The following FAM114A1 variants were observed in gnomAD, a reference collection of about 807,000 sequenced individuals.
FAM114A1 encodes protein NOXP20.
A neutral mutation model predicts 64.3 loss-of-function variants in FAM114A1; 62 were observed. The observed-to-expected ratio is 0.96, with a 90% CI of 0.79 to 1.19. FAM114A1 has a LOEUF of 1.19. Among genes scored for constraint, FAM114A1 ranks in the 50% most tolerant of loss-of-function variants. FAM114A1 has a pLI of 0.00. For synonymous variants in FAM114A1, 254 were observed against 251.1 expected (o/e 1.01, Z -0.11); for missense variants, 645 against 676.3 (o/e 0.95, Z 0.51).
chr4:38,935,152 G>A (rs755707488), intron 12 of FAM114A1, among the ~76,000 whole-genome samples: 4 of 152,086 alleles, frequency 2.6e-5, no homozygotes, highest in East Asian at 3.9e-4. Context: ...CCTGACCTCC[G>A]GTGATCCACC....
chr4:38,893,825 T>A (rs1579322511), intron 4 of FAM114A1, among the ~76,000 whole-genome samples: 1 of 152,192 alleles, frequency 6.6e-6, no homozygotes, highest in East Asian at 1.9e-4. Context: ...TTTTGTCACC[T>A]GGTTCACATG....
chr4:38,891,454 C>T (rs1004250462), intron 3 of FAM114A1, among the ~76,000 whole-genome samples: 6 of 152,178 alleles, frequency 3.9e-5, no homozygotes, highest in African/African-American at 1.4e-4. Context: ...AGCCTTTTCC[C>T]TGTCTTCTAA....
At chr4:38,938,607 C>T (rs1721302455) in intron 13 of FAM114A1, 1 of 152,216 alleles carries the variant, frequency 6.6e-6, no homozygotes, top group African/African-American at 2.4e-5. Context: ...TTGATATAAA[C>T]ACTAGGCTTG....
chr4:38,908,641 A>G lies in FAM114A1; in HGVS notation c.707A>G (p.Lys236Arg). 1.2e-6 allele frequency: 2 copies of G among 1,613,570 alleles called. No homozygotes were observed. Among genetic ancestry groups the G allele is most frequent in the Non-Finnish European group, 1.7e-6 (2 of 1,179,590 alleles). Residue 236 changes from lysine to arginine, a missense_variant, in exon 7 of 15, where the codon AAG becomes AGG. Coordinates refer to ENST00000358869, the MANE Select transcript of FAM114A1 (RefSeq NM_138389.4). ...GGLDALEFIG[K>R]KTMNVLAESD... ...CTTGATGCGTTGGAATTCATCGGCA[A>G]GAAAACCATGAATGTCCTTGCAGAA...
intron 8 of FAM114A1, among the ~76,000 whole-genome samples, chr4:38,915,591 A>G (rs1240639684): frequency 2.6e-5 from 4 of 152,162 alleles, no homozygotes; most frequent in South Asian, 2.1e-4. Flanking sequence ...TTAAGGTTCT[A>G]TTAGGGAATG....
At chr4:38,922,063 T>C (rs1165215122) in intron 8 of FAM114A1, among the ~76,000 whole-genome samples, 1 of 152,204 alleles carries the variant, frequency 6.6e-6, no homozygotes, top group Non-Finnish European at 1.5e-5. Context: ...TGCCTCAGCC[T>C]CCTGAGTAGC....
chr4:38,938,357 C>G (rs1721283085), intron 13 of FAM114A1: 2 of 152,254 alleles, frequency 1.3e-5, no homozygotes, highest in Non-Finnish European at 2.9e-5. Context: ...CTGTCAGTGA[C>G]TCTGTGAATA....
chr4:38,921,046 T>C (rs566618474), intron 8 of FAM114A1, among the ~76,000 whole-genome samples: 107 of 152,382 alleles, frequency 7.0e-4, no homozygotes, highest in Non-Finnish European at 1.2e-3. Context: ...GTTATCCCGA[T>C]GTGCTCATCT....
intron 12 of FAM114A1, 27 bp from the exon 13 acceptor site, chr4:38,935,691 C>T: frequency 6.7e-7 from 1 of 1,493,086 alleles, no homozygotes; most frequent in Non-Finnish European, 9.1e-7. Flanking sequence ...TGAAAACATC[C>T]AAGCTTTTTT....
chr4:38,885,226 C>T (rs1048085917), intron 3 of FAM114A1, among the ~76,000 whole-genome samples: 8 of 152,036 alleles, frequency 5.3e-5, no homozygotes, highest in Non-Finnish European at 1.0e-4. Context: ...CCACCCATCA[C>T]GACCTCCCAA....
At chr4:38,877,744 C>A (rs1165496128) in intron 2 of FAM114A1, among the ~76,000 whole-genome samples, 1 of 152,206 alleles carries the variant, frequency 6.6e-6, no homozygotes, top group African/African-American at 2.4e-5. Flanking sequence ...GTGGGTGGAT[C>A]ACCTGAGGTC....
chr4:38,936,959 C>T (rs1336486917), intron 13 of FAM114A1, among the ~76,000 whole-genome samples: 1 of 152,178 alleles, frequency 6.6e-6, no homozygotes, highest in Non-Finnish European at 1.5e-5. Flanking sequence ...GTCTGAAAGG[C>T]TCAGCATTTA....
chr4:38,931,240 C>G (rs981218833), intron 10 of FAM114A1, among the ~76,000 whole-genome samples: 1 of 152,148 alleles, frequency 6.6e-6, no homozygotes, highest in South Asian at 2.1e-4. Context: ...TCCATACCTT[C>G]TGTTCTGTCC....
chr4:38,889,144 T>C (rs1716086415), intron 3 of FAM114A1, among the ~76,000 whole-genome samples: 2 of 152,226 alleles, frequency 1.3e-5, no homozygotes, highest in South Asian at 4.1e-4. Flanking sequence ...TAATAAATAT[T>C]ATAAATTTGA....
At chr4:38,898,302 T>G (rs892684925) in intron 4 of FAM114A1, among the ~76,000 whole-genome samples, 3 of 152,226 alleles carry the variant, frequency 2.0e-5, no homozygotes, top group Non-Finnish European at 4.4e-5. Flanking sequence ...AAATTATCAT[T>G]GTTCCCCTTA....
chr4:38,911,365 C>T (rs985129993), intron 7 of FAM114A1, among the ~76,000 whole-genome samples: 1 of 152,212 alleles, frequency 6.6e-6, no homozygotes, highest in Non-Finnish European at 1.5e-5. Flanking sequence ...TGCCCTGCTG[C>T]ACCAGTGATT....
At chr4:38,877,876 A>C (rs1714804630) in intron 2 of FAM114A1, among the ~76,000 whole-genome samples, 195 bp from the exon 3 acceptor site, 1 of 151,880 alleles carries the variant, frequency 6.6e-6, no homozygotes, top group South Asian at 2.1e-4. Context: ...AGGCAGGAGA[A>C]TCGCTTGAAC....
intron 3 of FAM114A1, among the ~76,000 whole-genome samples, chr4:38,884,322 A>G (rs1715585999): frequency 6.6e-6 from 1 of 152,218 alleles, no homozygotes; most frequent in African/African-American, 2.4e-5. Flanking sequence ...GCAACATCCA[A>G]GTGAAGATAC....
intron 9 of FAM114A1, among the ~76,000 whole-genome samples, chr4:38,924,789 G>A (rs1719953044): frequency 6.6e-6 from 1 of 152,136 alleles, no homozygotes; most frequent in African/African-American, 2.4e-5. Flanking sequence ...TGTGGACCCA[G>A]GATGAACTAA....
Sources: gnomAD v4.1 joint callset for allele counts (sites outside exome capture counted in the v4.1 genomes callset) on GRCh38, gnomAD v4.1.1 for gene constraint, MANE v1.5 for transcripts, NCBI Gene and HGNC (gene_info 2026-07-23, HGNC 2026-07-21) for gene names.